TSPOAP1: variants seen among roughly 807,000 people sequenced by gnomAD.
TSPOAP1 encodes the protein TSPO associated protein 1, also known as peripheral-type benzodiazepine receptor-associated protein 1.
In TSPOAP1, 87 loss-of-function variants were observed where a neutral mutation model predicts 197.0. The ratio of observed to expected loss-of-function variants is 0.44; its 90% CI spans 0.37 to 0.53. The LOEUF (loss-of-function observed/expected upper bound fraction) is 0.53, where lower values mean the gene tolerates loss of function less well. Ranked by LOEUF, TSPOAP1 falls within the 20% of genes least tolerant of loss-of-function variation. The probability of loss-of-function intolerance (pLI) is 0.00; values close to 1 mark genes in which losing one functional copy is unlikely to be tolerated. For synonymous variants in TSPOAP1, 913 were observed against 998.9 expected, an observed-to-expected ratio of 0.91 and a Z score of 1.62; for missense variants, 2,174 against 2,411.3, an observed-to-expected ratio of 0.90 and a Z score of 2.06.
Position 58,309,274 on chromosome 17 carries a change from G to A in TSPOAP1, c.3998C>T (p.Pro1333Leu), listed in dbSNP as rs763956600. The A allele has an allele frequency of 9.0e-5, 145 of 1,612,992 alleles. 1 individual carries two copies. The highest frequency in any genetic ancestry group is 1.2e-4 in the Non-Finnish European group (139 of 1,179,630). ...QFCSKKLFSI[P>L]EEEEEEEEDE... is the part of the protein sequence containing the mutation. ...CTCCTCTTCCTCTTCCTCCTCCTCC[G>A]GGATGCTAAAGAGCTTCTTGCTACA... Residue 1333 changes from proline to leucine, a missense_variant, in exon 22 of 32, where the codon CCG becomes CTG. Around this residue, in one of 5 missense-constraint regions of TSPOAP1, gnomAD observed 1,933 missense variants for 2,139.0 expected, o/e 0.90. Coordinates refer to ENST00000343736, the MANE Select transcript of TSPOAP1 (RefSeq NM_004758.4). This position sits in a 1 kb window ranked among gnomAD's most constrained non-coding sequence, Gnocchi z 5.0.
intron 24 of TSPOAP1, 99 bp from the exon 25 acceptor site, chr17:58,307,067 T>C: frequency 7.6e-7 from 1 of 1,312,260 alleles, no homozygotes; most frequent in Non-Finnish European, 1.1e-6. Flanking sequence ...CAGAAGAATG[T>C]TCTCCCTTTT....
chr17:58,316,559 G>C lies in TSPOAP1; in HGVS notation c.1873-19C>G, dbSNP rs1971241973. ...TGTCCACCTGGGGGCAAACAGAAAG[G>C]GCTGGTTTCTCTTCAGGGCCTGGGG... On this transcript the variant is annotated intron_variant, in intron 14 of 31. Coordinates refer to ENST00000343736, the MANE Select transcript of TSPOAP1 (RefSeq NM_004758.4). The C allele has an allele frequency of 3.1e-6, 5 of 1,590,426 alleles. No homozygotes were observed. In the East Asian group the frequency reaches 1.1e-4, roughly 36 times the overall value.
chr17:58,318,659 A>G (rs1485463534), intron 13 of TSPOAP1, among the ~76,000 whole-genome samples: 1 of 152,176 alleles, frequency 6.6e-6, no homozygotes, highest in Non-Finnish European at 1.5e-5. Flanking sequence ...GCTTGATGAG[A>G]TGCATTTAAT....
chr17:58,324,892 C>A lies in TSPOAP1; in HGVS notation c.861G>T (p.Thr287=). ...RQIALRNQRE[T]LPLPPSWPPG... Reference sequence around the variant, plus strand: ...GGGGCCAGGACGGCGGGAGCGGGAGCGTCTCCCGCTGGTTGCGCAGCGCGA... The same window carrying A: ...GGGGCCAGGACGGCGGGAGCGGGAGAGTCTCCCGCTGGTTGCGCAGCGCGA... The change falls in exon 5 of 32, where the codon ACG becomes ACT. Residue 287 remains threonine, a synonymous_variant. Transcript: ENST00000343736. This position sits in a 1 kb window ranked among gnomAD's most constrained non-coding sequence, Gnocchi z 5.8. The A allele has an allele frequency of 6.5e-7, 1 of 1,532,916 alleles. No homozygotes were observed. Among genetic ancestry groups the A allele is most frequent in the Non-Finnish European group, 8.7e-7 (1 of 1,144,426 alleles). The allele number at this position is 1,532,916 out of a possible 1,614,324, so 95.0% of individuals were successfully genotyped here. A position where few individuals can be genotyped will look rare whatever the true frequency, so the allele number is the denominator to read the frequency against.
At chr17:58,320,943 T>C (rs1325670053) in intron 10 of TSPOAP1, among the ~76,000 whole-genome samples, 2 of 152,090 alleles carry the variant, frequency 1.3e-5, no homozygotes, top group African/African-American at 4.8e-5. Context: ...AATGTTAGGG[T>C]TACCCTGGAC....
In TSPOAP1 at chr17:58,304,481, A is replaced by AG. The variant is rs35661817; in HGVS notation, c.5545-83dup. Reference sequence around the variant, plus strand: ...GCCCGGCCACCAGGTGGCCCTGCGCAGGGGTGGGCCCTACTCTCCAAGGCC... The same window carrying AG: ...GCCCGGCCACCAGGTGGCCCTGCGCAGGGGGTGGGCCCTACTCTCCAAGGCC... On this transcript the variant is annotated intron_variant, in intron 30 of 31. Transcript: ENST00000343736. The surrounding 1 kb of genome is among the most constrained non-coding windows in gnomAD (Gnocchi z 4.2). The AG allele has an allele frequency of 6.9e-6, 8 of 1,160,106 alleles. No homozygotes were observed. The highest frequency in any genetic ancestry group is 3.7e-5 in the South Asian group (3 of 81,604). The allele number at this position is 1,160,106 out of a possible 1,614,324, so 71.9% of individuals were successfully genotyped here.
At chr17:58,321,199 C>T (rs1241101148) in intron 10 of TSPOAP1, among the ~76,000 whole-genome samples, 1 of 152,160 alleles carries the variant, frequency 6.6e-6, no homozygotes, top group African/African-American at 2.4e-5. Flanking sequence ...CATCCTTCAC[C>T]TCACGGAGTA....
In TSPOAP1 at chr17:58,305,829, T is replaced by C. The variant is rs1396900968; in HGVS notation, c.5257+4A>G. On this transcript the variant is annotated splice_donor_region_variant and intron_variant, in intron 27 of 31. Transcript: ENST00000343736. ...GCCTCCCGGGCCCAGGGATATTCCT[T>C]CACCTGGACAGGGCTGGGCAGGGCC... 6.2e-7 allele frequency: 1 copy of C among 1,612,854 alleles called. No individual in the cohort carries two copies. The highest frequency in any genetic ancestry group is 8.5e-7 in the Non-Finnish European group (1 of 1,179,676).
intron 6 of TSPOAP1, 32 bp from the exon 7 acceptor site, chr17:58,323,413 GGGAA>G: frequency 6.2e-7 from 1 of 1,614,248 alleles, no homozygotes. Context: ...CTCCTCATGA[GGGAA>G]GGTACATCTG....
At position 58,322,119 on chromosome 17, in the gene TSPOAP1, G is replaced by GGAGAAGCCTGCCAGCTTCC; in HGVS notation, c.1422+188_1422+189insGGAAGCTGGCAGGCTTCTC. On this transcript the variant is annotated intron_variant, in intron 10 of 31. Transcript: ENST00000343736. This position sits in a 1 kb window ranked among gnomAD's most constrained non-coding sequence, Gnocchi z 5.0. The stretch of plus-strand genomic sequence containing the variant: ...TCACCCTGTTCTTCTCCACCACTGT[G>GGAGAAGCCTGCCAGCTTCC]CTCATCAGTGTCTGAAATCAGCTCA... 1 of 604,728 alleles carries GGAGAAGCCTGCCAGCTTCC rather than the reference G, an allele frequency of 1.7e-6. No individual in the cohort carries two copies. Among genetic ancestry groups the GGAGAAGCCTGCCAGCTTCC allele is most frequent in the Non-Finnish European group, 2.9e-6 (1 of 343,116 alleles). 37.5% of individuals were successfully genotyped at this position (604,728 alleles called of 1,614,324 possible).
chr17:58,312,948 A>G (rs2143050488), intron 16 of TSPOAP1, among the ~76,000 whole-genome samples: 1 of 152,336 alleles, frequency 6.6e-6, no homozygotes, highest in East Asian at 1.9e-4. Context: ...GTGCTTCTTC[A>G]ATTTTAACTT....
chr17:58,309,217 C>G lies in TSPOAP1; in HGVS notation c.4055G>C (p.Cys1352Ser). ...AGGCGGGCCAGGGTCTCGGGAAGAA[C>G]AGCCTGCCCCTGACTTCTCCTCCTC... ...DEEEEKSGAG[C>S]SSRDPGPPEP... Residue 1352 changes from cysteine to serine, a missense_variant, in exon 22 of 32, where the codon TGT becomes TCT. Physicochemically the swap from Cys to Ser is moderately radical, Grantham distance 112 (BLOSUM62 -1). Around this residue, in one of 5 missense-constraint regions of TSPOAP1, gnomAD observed 1,933 missense variants for 2,139.0 expected, o/e 0.90. Coordinates refer to ENST00000343736, the MANE Select transcript of TSPOAP1 (RefSeq NM_004758.4). This position sits in a 1 kb window ranked among gnomAD's most constrained non-coding sequence, Gnocchi z 5.0. 6.2e-7 allele frequency: 1 copy of G among 1,614,048 alleles called. No individual in the cohort carries two copies.
In TSPOAP1 at chr17:58,323,531, C is replaced by T; in HGVS notation, c.957G>A (p.Glu319=). 1 of 1,614,030 alleles carries T rather than the reference C, an allele frequency of 6.2e-7. No homozygotes were observed. The highest frequency in any genetic ancestry group is 1.1e-5 in the South Asian group (1 of 91,076). ...GAATCACGGGTAGGTTGTCCGCATC[C>T]TCCTGGGGCGTGGCCTGGAAATGCC... ...PGAPGEATPQ[E]DADNLPVILG... is the part of the protein sequence containing the mutation. Residue 319 remains glutamate (E), a synonymous_variant, in exon 6 of 32, where the codon GAG becomes GAA. Transcript: ENST00000343736.
chr17:58,321,494 C>T (rs753983252), intron 10 of TSPOAP1, among the ~76,000 whole-genome samples: 1 of 152,124 alleles, frequency 6.6e-6, no homozygotes, highest in African/African-American at 2.4e-5. Flanking sequence ...GACGGGGATT[C>T]ACCATATTGG....
At chr17:58,321,630 C>G (rs147946921) in intron 10 of TSPOAP1, among the ~76,000 whole-genome samples, 1 of 152,158 alleles carries the variant, frequency 6.6e-6, no homozygotes, top group Non-Finnish European at 1.5e-5. Context: ...TAAAACATAA[C>G]TCAAACCCAG....
In TSPOAP1 at chr17:58,308,800, G is replaced by C. The variant is rs1174574702; in HGVS notation, c.4472C>G (p.Ser1491Cys). The C allele has an allele frequency of 6.2e-7, 1 of 1,613,016 alleles. No individual in the cohort carries two copies. The highest frequency in any genetic ancestry group is 1.3e-5 in the African/African-American group (1 of 75,058). ...AATGCTGATTTCCAAGCACTTGGGG[G>C]AAAGGCAGCTGGCCAGGCCAGGCTC... The part of the protein sequence containing the change: ...ALEPGLASCL[S>C]PKCLEISIEY... The change falls in exon 22 of 32, where the codon TCC (serine) becomes TGC (cysteine). Residue 1491 changes from serine (S) to cysteine (C), a missense_variant. Around this residue, in one of 5 missense-constraint regions of TSPOAP1, gnomAD observed 1,933 missense variants for 2,139.0 expected, o/e 0.90. Transcript: ENST00000343736.
intron 12 of TSPOAP1, 103 bp downstream of exon 12, chr17:58,320,006 C>T: frequency 2.8e-6 from 4 of 1,454,324 alleles, no homozygotes; most frequent in South Asian, 1.2e-5. Context: ...CCCAGTGACA[C>T]CCCCTCTGCT....
At chr17:58,321,405 C>T (rs949548986) in intron 10 of TSPOAP1, among the ~76,000 whole-genome samples, 1 of 151,856 alleles carries the variant, frequency 6.6e-6, no homozygotes, top group East Asian at 1.9e-4. Context: ...TCAAACAATT[C>T]TCCTGCCTCA....
intron 11 of TSPOAP1, 47 bp from the exon 12 acceptor site, chr17:58,320,176 G>C (rs776118608): frequency 1.1e-5 from 17 of 1,612,844 alleles, no homozygotes; most frequent in Non-Finnish European, 1.4e-5. Flanking sequence ...CCTGAGCGCT[G>C]TGGGTTGCTA....
Sources: gnomAD v4.1 joint callset for allele counts (sites outside exome capture counted in the v4.1 genomes callset) on GRCh38, gnomAD v4.1.1 for gene constraint, gnomAD v4.1.1 regional missense constraint, Gnocchi (gnomAD v3.1) non-coding constraint, MANE v1.5 for transcripts, NCBI Gene and HGNC (gene_info 2026-07-23, HGNC 2026-07-21) for gene names.